RNF38: variants seen among roughly 807,000 people sequenced by gnomAD.
RNF38 encodes the protein E3 ubiquitin-protein ligase RNF38.
Under a neutral mutation model 67.2 loss-of-function variants are expected in RNF38, and 15 were observed. The ratio of observed to expected loss-of-function variants is 0.22; its 90% CI spans 0.15 to 0.34. The LOEUF (loss-of-function observed/expected upper bound fraction) is 0.34. Ranked by LOEUF, RNF38 falls within the 10% of genes least tolerant of loss-of-function variation. The probability of loss-of-function intolerance (pLI) is 1.00; values close to 1 mark genes in which losing one functional copy is unlikely to be tolerated. For synonymous variants in RNF38, 220 were observed against 218.8 expected, an observed-to-expected ratio of 1.01 and a Z score of -0.05; for missense variants, 524 against 639.9, an observed-to-expected ratio of 0.82 and a Z score of 1.95.
intron 1 of RNF38, among the ~76,000 whole-genome samples, chr9:36,430,531 A>G (rs1276729536): frequency 1.3e-5 from 2 of 152,100 alleles, no homozygotes; most frequent in Non-Finnish European, 2.9e-5. Context: ...ACTGAAATGT[A>G]TTGGAGGAAA....
At chr9:36,482,583 C>T (rs140530986) in intron 1 of RNF38, among the ~76,000 whole-genome samples, 7,502 of 151,864 alleles carry the variant, frequency 0.049, 512 homozygotes, top group African/African-American at 0.17. Context: ...GAACTCCTGA[C>T]CTCAGGTGAT....
intron 4 of RNF38, among the ~76,000 whole-genome samples, chr9:36,361,721 C>G (rs907628318): frequency 1.3e-5 from 2 of 152,114 alleles, no homozygotes; most frequent in African/African-American, 2.4e-5. Flanking sequence ...AGGTTCAGTG[C>G]CATCAAGGGA....
intron 1 of RNF38, among the ~76,000 whole-genome samples, chr9:36,439,929 T>C (rs1839157587): frequency 6.6e-6 from 1 of 152,110 alleles, no homozygotes; most frequent in Non-Finnish European, 1.5e-5. Flanking sequence ...CTATATACTA[T>C]TTATTATACA....
upstream of RNF38, chr9:36,400,692 C>G (rs977963621): frequency 3.2e-5 from 32 of 985,864 alleles, no homozygotes; most frequent in Admixed American, 1.8e-4. Flanking sequence ...CCCGGAACCC[C>G]GGCTCCAACT....
intron 1 of RNF38, among the ~76,000 whole-genome samples, chr9:36,460,885 C>CAAAAA (rs752827635): frequency 5.5e-4 from 29 of 52,728 alleles, no homozygotes; most frequent in African/African-American, 8.4e-4. Context: ...GAAACTCTCT[C>CAAAAA]AAAAAAAAAA....
chr9:36,373,168 T>C (rs533655498), intron 3 of RNF38, among the ~76,000 whole-genome samples: 14 of 152,220 alleles, frequency 9.2e-5, no homozygotes, highest in East Asian at 1.9e-4. Context: ...GATCGCACCA[T>C]TGCACTCCAG....
Position 36,336,882 on chromosome 9 carries a change from T to C in RNF38, c.*2870A>G, listed in dbSNP as rs1288703442. The stretch of plus-strand genomic sequence containing the variant: ...TTTCAGATAGTATATAAAATCTAAA[T>C]ATGCTTTCACATTTTCCAGATTTTG... On this transcript the variant is annotated 3_prime_UTR_variant, in exon 12 of 12. Coordinates refer to ENST00000259605, the MANE Select transcript of RNF38 (RefSeq NM_022781.5). 1 of 152,206 alleles carries C rather than the reference T, an allele frequency of 6.6e-6. No individual in the cohort carries two copies. Among genetic ancestry groups the C allele is most frequent in the African/African-American group, 2.4e-5 (1 of 41,454 alleles). 9.4% of individuals were successfully genotyped at this position (152,206 alleles called of 1,614,324 possible).
At chr9:36,400,928 C>T (rs1837984973), upstream of RNF38, 10 of 984,944 alleles carry the variant, frequency 1.0e-5, no homozygotes, top group South Asian at 4.1e-4. Context: ...CGCCGCACCC[C>T]GCCTCACCCC....
intron 1 of RNF38, among the ~76,000 whole-genome samples, chr9:36,472,483 C>CCA (rs1840018802): frequency 6.6e-6 from 1 of 152,084 alleles, no homozygotes; most frequent in Admixed American, 6.6e-5. Flanking sequence ...TCAACATGGC[C>CCA]CAGAGAAGAC....
chr9:36,451,960 T>C (rs1839462205), intron 1 of RNF38, among the ~76,000 whole-genome samples: 1 of 152,106 alleles, frequency 6.6e-6, no homozygotes, highest in Non-Finnish European at 1.5e-5. Context: ...CTCACCCCTG[T>C]AATCCCAATA....
chr9:36,380,004 G>A (rs901276690), intron 2 of RNF38, among the ~76,000 whole-genome samples: 3 of 152,152 alleles, frequency 2.0e-5, no homozygotes, highest in African/African-American at 7.2e-5. Flanking sequence ...TTCCTAACAT[G>A]ATGCAAAGTG....
chr9:36,473,426 A>C (rs1840043433), intron 1 of RNF38, among the ~76,000 whole-genome samples: 1 of 151,898 alleles, frequency 6.6e-6, no homozygotes, highest in Non-Finnish European at 1.5e-5. Flanking sequence ...CGTTTCTACT[A>C]AAATACAAAA....
intron 1 of RNF38, among the ~76,000 whole-genome samples, chr9:36,482,338 C>T (rs1840289941): frequency 1.4e-5 from 2 of 141,036 alleles, no homozygotes; most frequent in Non-Finnish European, 3.0e-5. Context: ...CAGGTGTGAG[C>T]CACTGTGCCC....
intron 1 of RNF38, among the ~76,000 whole-genome samples, chr9:36,471,919 C>T (rs1221364806): frequency 6.6e-6 from 1 of 152,132 alleles, no homozygotes; most frequent in African/African-American, 2.4e-5. Flanking sequence ...AAAGTCAAAT[C>T]TTTTCACTTC....
chr9:36,485,708 T>C (rs1840393907), intron 1 of RNF38, among the ~76,000 whole-genome samples: 2 of 152,186 alleles, frequency 1.3e-5, no homozygotes, highest in South Asian at 4.1e-4. Flanking sequence ...GCAGGAAAGC[T>C]AAGGTGCAAG....
chr9:36,353,144 T>C (rs1833827164), intron 7 of RNF38, 26 bp downstream of exon 7: 1 of 1,598,552 alleles, frequency 6.3e-7, no homozygotes, highest in Non-Finnish European at 8.6e-7. Flanking sequence ...AGCAAGTAAT[T>C]AACATAGTAC....
At chr9:36,376,616 T>A (rs185033602) in intron 2 of RNF38, among the ~76,000 whole-genome samples, 10 of 152,252 alleles carry the variant, frequency 6.6e-5, no homozygotes, top group East Asian at 5.8e-4. Context: ...GGCCACTATA[T>A]TTATTTTTTT....
At chr9:36,369,651 A>AAAAC in intron 4 of RNF38, 68 bp downstream of exon 4, 1 of 548,464 alleles carries the variant, frequency 1.8e-6, no homozygotes, top group South Asian at 3.4e-5. Context: ...CAAAAAGCCA[A>AAAAC]AAAAAAAAAA....
chr9:36,420,448 A>T (rs1190378326), intron 2 of RNF38, among the ~76,000 whole-genome samples: 1 of 147,528 alleles, frequency 6.8e-6, no homozygotes, highest in African/African-American at 2.5e-5. Context: ...AGGAGAATGG[A>T]GTGAACCCAG....
Sources: gnomAD v4.1 joint callset for allele counts (sites outside exome capture counted in the v4.1 genomes callset) on GRCh38, gnomAD v4.1.1 for gene constraint, MANE v1.5 for transcripts, NCBI Gene and HGNC (gene_info 2026-07-23, HGNC 2026-07-21) for gene names.